ADGRL3: variants seen among roughly 807,000 people sequenced by gnomAD.
ADGRL3 encodes adhesion G protein-coupled receptor L3.
Under a neutral mutation model 153.5 loss-of-function variants are expected in ADGRL3, and 62 were observed. That is an observed-to-expected ratio of 0.40 (90% confidence interval 0.33 to 0.50). The LOEUF (loss-of-function observed/expected upper bound fraction) is 0.50. Ranked by LOEUF, ADGRL3 falls within the 20% of genes least tolerant of loss-of-function variation. The pLI, the probability that ADGRL3 is intolerant of heterozygous loss-of-function variation, is 0.47. For synonymous variants in ADGRL3, 710 were observed against 672.5 expected (o/e 1.06, Z -0.86); for missense variants, 1,641 against 1,859.4 (o/e 0.88, Z 2.16).
At chr4:61,625,479 T>G (rs1369188595) in intron 5 of ADGRL3, among the ~76,000 whole-genome samples, 3 of 152,086 alleles carry the variant, frequency 2.0e-5, no homozygotes, top group Admixed American at 6.6e-5. Context: ...CCAACATGAA[T>G]TGGTGTATGT....
chr4:61,946,584 G>T (rs995001483), intron 15 of ADGRL3, among the ~76,000 whole-genome samples: 1 of 151,966 alleles, frequency 6.6e-6, no homozygotes, highest in African/African-American at 2.4e-5. Flanking sequence ...AGACATCTTT[G>T]CCTTCTTCAA....
chr4:61,991,702 T>C (rs2099104439), intron 19 of ADGRL3, among the ~76,000 whole-genome samples: 1 of 151,656 alleles, frequency 6.6e-6, no homozygotes, highest in Admixed American at 6.6e-5. Context: ...GATGTATGAA[T>C]GTGCTGCAAT....
intron 7 of ADGRL3, among the ~76,000 whole-genome samples, chr4:61,731,008 G>A (rs572282945): frequency 1.6e-4 from 25 of 152,008 alleles, no homozygotes; most frequent in African/African-American, 5.3e-4. Context: ...TTGGGGAAAA[G>A]GGAAAAAGTT....
intron 2 of ADGRL3, among the ~76,000 whole-genome samples, chr4:61,480,536 G>A (rs534291901): frequency 1.3e-4 from 20 of 152,038 alleles, no homozygotes; most frequent in Non-Finnish European, 1.9e-4. Flanking sequence ...CTATAATTCC[G>A]GCACTTTGGG....
At chr4:61,498,460 G>A (rs1402358717) in intron 3 of ADGRL3, among the ~76,000 whole-genome samples, 1 of 152,014 alleles carries the variant, frequency 6.6e-6, no homozygotes, top group African/African-American at 2.4e-5. Context: ...TGAGGCAGGA[G>A]AATGGCGTAA....
chr4:61,655,326 G>C (rs1457958462), intron 5 of ADGRL3, among the ~76,000 whole-genome samples: 2 of 152,088 alleles, frequency 1.3e-5, no homozygotes, highest in Admixed American at 6.6e-5. Flanking sequence ...ATACAAGCCT[G>C]CCTCTCTGCT....
chr4:61,308,155 C>G (rs545410968), intron 1 of ADGRL3, among the ~76,000 whole-genome samples: 1 of 152,150 alleles, frequency 6.6e-6, no homozygotes, highest in Non-Finnish European at 1.5e-5. Flanking sequence ...AGAGAAGGGC[C>G]TCACCCTGGA....
chr4:61,396,734 A>C (rs187028557), intron 2 of ADGRL3, among the ~76,000 whole-genome samples: 20 of 151,994 alleles, frequency 1.3e-4, no homozygotes, highest in Non-Finnish European at 2.9e-5. Context: ...AGTAACTATA[A>C]ATTTACTATA....
rs538233713 is a variant in ADGRL3, at chr4:61,679,667, A to G, written c.583+2732A>G. 7.2e-5 allele frequency among the ~76,000 whole-genome samples: 11 copies of G among 152,188 alleles called. No homozygotes were observed. In the South Asian group the frequency reaches 2.3e-3, roughly 32 times the overall value. ...TTACAAGATCCTCCTTGTTATGTGTATCACCATTTTTCTGAAGAGGAAACT... is the reference window on the plus strand; with the variant it reads ...TTACAAGATCCTCCTTGTTATGTGTGTCACCATTTTTCTGAAGAGGAAACT... On this transcript the variant is annotated intron_variant, in intron 6 of 26. Coordinates refer to ENST00000683033, the MANE Select transcript of ADGRL3 (RefSeq NM_001387552.1).
intron 25 of ADGRL3, among the ~76,000 whole-genome samples, chr4:62,045,179 T>A (rs1364934077): frequency 6.6e-6 from 1 of 151,778 alleles, no homozygotes; most frequent in Non-Finnish European, 1.5e-5. Context: ...GTGGTTGACT[T>A]TTTTTCCTTG....
chr4:61,772,938 CTGTTTAAAAAATACCA>C (rs2097103445), intron 8 of ADGRL3, among the ~76,000 whole-genome samples: 1 of 152,084 alleles, frequency 6.6e-6, no homozygotes, highest in Non-Finnish European at 1.5e-5. Flanking sequence ...TTAAAATACC[CTGTTTAAAAAATACCA>C]TGTTTTACAT....
chr4:61,694,179 ATTTTTTTTTTTTTTTTTTTTTTTT>A (rs554084495), intron 6 of ADGRL3, among the ~76,000 whole-genome samples: 25 of 26,710 alleles, frequency 9.4e-4, no homozygotes, highest in African/African-American at 3.4e-3. Flanking sequence ...TTTTGTCATT[ATTTTTTTTTTTTTTTTTTTTTTTT>A]TTTTTTTTTT....
intron 1 of ADGRL3, among the ~76,000 whole-genome samples, chr4:61,366,603 T>C (rs1012596728): frequency 2.0e-5 from 3 of 152,214 alleles, no homozygotes; most frequent in Non-Finnish European, 2.9e-5. Context: ...AACTTGCATT[T>C]GACTGTCTTT....
chr4:61,895,760 G>C lies in ADGRL3; in HGVS notation c.1813G>C (p.Asp605His). The C allele has an allele frequency of 6.3e-7, 1 of 1,599,960 alleles. No homozygotes were observed. The highest frequency in any genetic ancestry group is 8.5e-7 in the Non-Finnish European group (1 of 1,172,228). Residue 605 changes from aspartate to histidine, a missense_variant, in exon 11 of 27, where the codon GAT becomes CAT. Physicochemically the swap from Asp to His is moderately conservative, Grantham distance 81. Transcript: ENST00000683033. ...ATCAACTTATCTATGCCTTGCTCCT[G>C]ATGGAATTTGGGATCCCCAAGGTCC... ...GVSTYLCLAPDGIWDPQGPDL... is the reference protein window; with the variant it reads ...GVSTYLCLAPHGIWDPQGPDL...
At chr4:61,938,124 T>C (rs1431304668) in intron 15 of ADGRL3, among the ~76,000 whole-genome samples, 2 of 152,066 alleles carry the variant, frequency 1.3e-5, no homozygotes, top group African/African-American at 4.8e-5. Context: ...ATGAAAGAAT[T>C]GCCAGTGACT....
intron 8 of ADGRL3, chr4:61,775,907 A>T (rs182177262): frequency 0.059 from 13,675 of 231,444 alleles, 441 homozygotes; most frequent in South Asian, 0.09. Flanking sequence ...TTATTTATTT[A>T]TTTATTTTTT....
chr4:61,462,973 G>C (rs1244723625), intron 2 of ADGRL3, among the ~76,000 whole-genome samples: 1 of 152,256 alleles, frequency 6.6e-6, no homozygotes, highest in Non-Finnish European at 1.5e-5. Flanking sequence ...CAAGGTCTCT[G>C]CTAGAAAAAT....
At chr4:61,771,945 G>A (rs994901341) in intron 8 of ADGRL3, among the ~76,000 whole-genome samples, 1 of 152,100 alleles carries the variant, frequency 6.6e-6, no homozygotes, top group African/African-American at 2.4e-5. Context: ...CTGCAAATGG[G>A]GTGCAGCCCA....
chr4:61,746,022 AC>A lies in ADGRL3; in HGVS notation c.1399+12469del, dbSNP rs1308453993. Among the ~76,000 whole-genome samples the A allele has an allele frequency of 1.3e-5, 2 of 152,146 alleles. 1 individual carries two copies. Among genetic ancestry groups the A allele is most frequent in the South Asian group, 4.1e-4 (2 of 4,832 alleles). On this transcript the variant is annotated intron_variant, in intron 8 of 26. Transcript: ENST00000683033. ...AAAAGGATGGAGGAAGATCTACCAA[AC>A]AAATGGAAAACAAAAAAAGGCAGGG...
Sources: gnomAD v4.1 joint callset for allele counts (sites outside exome capture counted in the v4.1 genomes callset) on GRCh38, gnomAD v4.1.1 for gene constraint, MANE v1.5 for transcripts, NCBI Gene and HGNC (gene_info 2026-07-23, HGNC 2026-07-21) for gene names.